Variants in ALDH1A1 observed in about 807,000 individuals in gnomAD.
ALDH1A1 encodes the protein aldehyde dehydrogenase 1 family member A1.
In ALDH1A1, 19 loss-of-function variants were observed where a neutral mutation model predicts 62.1. The observed-to-expected ratio is 0.31, with a 90% CI of 0.21 to 0.45. The LOEUF is 0.45. Ranked by LOEUF, ALDH1A1 falls within the 20% of genes least tolerant of loss-of-function variation. The pLI is 1.00. For missense variants in ALDH1A1, 521 were observed against 607.1 expected (o/e 0.86, Z 1.49); for synonymous variants, 231 against 215.9 (o/e 1.07, Z -0.61).
At chr9:72,924,281 T>A in intron 6 of ALDH1A1, 149 bp from the exon 7 acceptor site, 1 of 573,740 alleles carries the variant, frequency 1.7e-6, no homozygotes, top group Non-Finnish European at 3.0e-6. Context: ...TTTAGTCTTA[T>A]TATGTCATTT....
chr9:72,908,490 AAGAG>A (rs538628732), intron 11 of ALDH1A1, among the ~76,000 whole-genome samples: 3 of 139,330 alleles, frequency 2.2e-5, no homozygotes, highest in Non-Finnish European at 4.6e-5. Flanking sequence ...GAGAAAGAGA[AAGAG>A]AGAGAGAGAG....
chr9:72,926,654 T>C (rs1830214414), intron 5 of ALDH1A1, among the ~76,000 whole-genome samples: 1 of 152,224 alleles, frequency 6.6e-6, no homozygotes, highest in Non-Finnish European at 1.5e-5. Context: ...AAAAAATGTG[T>C]GTCATGAGTT....
chr9:72,941,120 T>C (rs1332565270), intron 1 of ALDH1A1, among the ~76,000 whole-genome samples: 1 of 152,182 alleles, frequency 6.6e-6, no homozygotes, highest in African/African-American at 2.4e-5. Flanking sequence ...TATGACAAGA[T>C]GGACTAGTTT....
chr9:72,934,543 A>G (rs1253944631), intron 2 of ALDH1A1, among the ~76,000 whole-genome samples: 3 of 152,066 alleles, frequency 2.0e-5, no homozygotes, highest in African/African-American at 4.8e-5. Flanking sequence ...TTTCTACTCT[A>G]TCTGACCCAA....
intron 11 of ALDH1A1, among the ~76,000 whole-genome samples, chr9:72,908,568 AAAG>A (rs1438720821): frequency 2.0e-4 from 10 of 49,986 alleles, no homozygotes; most frequent in African/African-American, 5.0e-4. Context: ...AGAAAGAAAG[AAAG>A]AAAGAAAGAA....
rs8187997 is a variant in ALDH1A1, at chr9:72,901,333, T to C, written c.1434-53A>G. The C allele has an allele frequency of 1.5e-3, 1,829 of 1,225,318 alleles. 35 individuals carry two copies. The South Asian group carries it at 0.022, about 15-fold the overall frequency. The allele number at this position is 1,225,318 out of a possible 1,614,324, so 75.9% of individuals were successfully genotyped here. A position where few individuals can be genotyped will look rare whatever the true frequency, so the allele number is the denominator to read the frequency against. The stretch of plus-strand genomic sequence containing the variant: ...ACACCATTTAGCACAGCAGTATAAA[T>C]ATACTGTAGTTCATGTTTGGTACGA... On this transcript the variant is annotated intron_variant, in intron 12 of 12. Coordinates refer to ENST00000297785, the MANE Select transcript of ALDH1A1 (RefSeq NM_000689.5).
At chr9:72,929,363 C>A (rs563608781) in intron 3 of ALDH1A1, among the ~76,000 whole-genome samples, 3 of 152,294 alleles carry the variant, frequency 2.0e-5, no homozygotes, top group African/African-American at 7.2e-5. Context: ...ATCAGAATTC[C>A]AACAAGGTTT....
rs748929234 is a variant in ALDH1A1 at position 72,952,932 on chromosome 9, C to T, written c.66+3G>A. 5 of 1,611,328 alleles carry T rather than the reference C, an allele frequency of 3.1e-6. No homozygotes were observed. Among genetic ancestry groups the T allele is most frequent in the African/African-American group, 1.3e-5 (1 of 74,804 alleles). On this transcript the variant is annotated splice_donor_region_variant and intron_variant, in intron 1 of 12. Coordinates refer to ENST00000297785, the MANE Select transcript of ALDH1A1 (RefSeq NM_000689.5). The stretch of plus-strand genomic sequence containing the variant: ...CAAAGCAGAAAATAGAAGTTTTACT[C>T]ACCTTAGTATATTGAATCTTCAAAT...
intron 2 of ALDH1A1, among the ~76,000 whole-genome samples, chr9:72,933,592 C>CAAAAAAAAAAAAAAAAAAAAAAAAAAAAA (rs60011646): frequency 8.9e-6 from 1 of 111,732 alleles, no homozygotes; most frequent in African/African-American, 3.5e-5. Context: ...CATCTCAAAA[C>CAAAAAAAAAAAAAAAAAAAAAAAAAAAAA]AAAAAAAAAA....
At chr9:72,909,155 C>CTTTTTT (rs5898281) in intron 11 of ALDH1A1, among the ~76,000 whole-genome samples, 34 of 75,556 alleles carry the variant, frequency 4.5e-4, no homozygotes, top group East Asian at 2.3e-3. Context: ...TCCAATACAG[C>CTTTTTT]TTTTTTTTTT....
chr9:72,952,912 C>A, intron 1 of ALDH1A1, 23 bp downstream of exon 1: 1 of 1,609,668 alleles, frequency 6.2e-7, no homozygotes, highest in Non-Finnish European at 8.5e-7. Flanking sequence ...CGAGTCAAAG[C>A]AGAAAATAGA....
At chr9:72,916,745 A>G (rs570448095) in intron 9 of ALDH1A1, among the ~76,000 whole-genome samples, 175 bp downstream of exon 9, 1 of 152,326 alleles carries the variant, frequency 6.6e-6, no homozygotes, top group Admixed American at 6.5e-5. Context: ...ACACAAAAAC[A>G]GGATGATTTC....
chr9:72,902,033 C>T (rs942572181), intron 12 of ALDH1A1, among the ~76,000 whole-genome samples: 3 of 151,902 alleles, frequency 2.0e-5, no homozygotes, highest in African/African-American at 7.2e-5. Flanking sequence ...GGCTCTTGGG[C>T]TTTTTGCAGT....
At chr9:72,930,751 G>A (rs1241431735) in intron 3 of ALDH1A1, 128 bp downstream of exon 3, 2 of 1,103,348 alleles carry the variant, frequency 1.8e-6, no homozygotes, top group East Asian at 2.4e-5. Flanking sequence ...TATTCATTGG[G>A]ACAAAAAATG....
intron 11 of ALDH1A1, 147 bp downstream of exon 11, chr9:72,909,455 G>A: frequency 1.3e-6 from 1 of 753,636 alleles, no homozygotes; most frequent in Non-Finnish European, 2.0e-6. Context: ...ACCGCACCCA[G>A]CCTTTTGTTT....
At position 72,901,153 on chromosome 9, in the gene ALDH1A1, G is replaced by T; in HGVS notation, c.*55C>A. 1.5e-6 allele frequency: 2 copies of T among 1,329,778 alleles called. No individual in the cohort carries two copies. Among genetic ancestry groups the T allele is most frequent in the South Asian group, 1.2e-5 (1 of 82,072 alleles). 82.4% of individuals were successfully genotyped at this position (1,329,778 alleles called of 1,614,324 possible). A position where few individuals can be genotyped will look rare whatever the true frequency, so the allele number is the denominator to read the frequency against. On this transcript the variant is annotated 3_prime_UTR_variant, in exon 13 of 13. Coordinates refer to ENST00000297785, the MANE Select transcript of ALDH1A1 (RefSeq NM_000689.5). ...TGTCTTTAAAATCTACTATATTAGT[G>T]ACTGTAAGGAGATGCTTAGCTATTG...
At chr9:72,912,154 A>C in intron 9 of ALDH1A1, 32 bp from the exon 10 acceptor site, 1 of 1,588,746 alleles carries the variant, frequency 6.3e-7, no homozygotes. Flanking sequence ...AAAAGAAAAA[A>C]AGTAGTCACT....
At position 72,923,999 on chromosome 9, in the gene ALDH1A1, C is replaced by T. The variant is rs770750443; in HGVS notation, c.747+20G>A. 3.9e-6 allele frequency: 6 copies of T among 1,533,026 alleles called. No individual in the cohort carries two copies. The African/African-American group carries it at 4.2e-5, about 11-fold the overall frequency. The allele number at this position is 1,533,026 out of a possible 1,614,324, so 95.0% of individuals were successfully genotyped here. Reference sequence around the variant, plus strand: ...GCAATGCAGACATTCTTAACTTTTGCCCTGAGTAAATAATATTACCTCTGT... The same window carrying T: ...GCAATGCAGACATTCTTAACTTTTGTCCTGAGTAAATAATATTACCTCTGT... On this transcript the variant is annotated intron_variant, in intron 7 of 12. Transcript: ENST00000297785.
At chr9:72,925,278 T>G (rs548323725) in intron 6 of ALDH1A1, among the ~76,000 whole-genome samples, 25 of 152,332 alleles carry the variant, frequency 1.6e-4, no homozygotes, top group African/African-American at 6.0e-4. Context: ...CAAACCTTTG[T>G]GTTTGGCTTC....
Sources: gnomAD v4.1 joint callset for allele counts (sites outside exome capture counted in the v4.1 genomes callset) on GRCh38, gnomAD v4.1.1 for gene constraint, MANE v1.5 for transcripts, NCBI Gene and HGNC (gene_info 2026-07-23, HGNC 2026-07-21) for gene names.